The following SPTBN4 variants were observed in gnomAD, a reference collection of about 807,000 sequenced individuals.
The protein encoded by SPTBN4 is spectrin beta chain, non-erythrocytic 4.
A neutral mutation model predicts 277.8 loss-of-function variants in SPTBN4; 96 were observed. The observed-to-expected ratio is 0.35, with a 90% confidence interval of 0.29 to 0.41. The LOEUF (loss-of-function observed/expected upper bound fraction) is 0.41. Among genes scored for constraint, SPTBN4 ranks in the 10% least tolerant of loss-of-function variants. SPTBN4 has a pLI of 1.00. For synonymous variants in SPTBN4, 1,481 were observed against 1,580.3 expected, an observed-to-expected ratio of 0.94 and a Z score of 1.49; for missense variants, 3,006 against 3,595.7, an observed-to-expected ratio of 0.84 and a Z score of 4.19.
intron 20 of SPTBN4, among the ~76,000 whole-genome samples, chr19:40,545,683 G>T (rs1251375511): frequency 6.6e-6 from 1 of 151,776 alleles, no homozygotes; most frequent in Non-Finnish European, 1.5e-5. Flanking sequence ...CGAGGTGGGT[G>T]GATCACCTGT....
intron 7 of SPTBN4, among the ~76,000 whole-genome samples, chr19:40,501,166 A>G (rs544104072): frequency 6.6e-6 from 1 of 151,872 alleles, no homozygotes; most frequent in South Asian, 2.1e-4. Context: ...TGAACCTAGG[A>G]GCTCGAGGCT....
intron 15 of SPTBN4, among the ~76,000 whole-genome samples, chr19:40,518,115 G>T (rs1568800897): frequency 6.6e-6 from 1 of 152,276 alleles, no homozygotes; most frequent in East Asian, 1.9e-4. Flanking sequence ...AGACCAGCCT[G>T]GCCAATGTGA....
At position 40,575,559 on chromosome 19, in the gene SPTBN4, G is replaced by A. The variant is rs765129909; in HGVS notation, c.7685G>A (p.Arg2562His). The change falls in exon 36 of 36, where the codon CGC (arginine) becomes CAC (histidine). Residue 2562 changes from arginine (R) to histidine (H), a missense_variant. Arg to His is a conservative substitution (Grantham distance 29). Around this residue, in one of 5 missense-constraint regions of SPTBN4, gnomAD observed 630 missense variants for 677.6 expected, o/e 0.93. Transcript: ENST00000598249. ...GGCGGAGATCGCAGGGCCAGCGGGC[G>A]CAGGAAGTGACTTCCCACCCCCAGG... ...REGGDRRASG[R>H]RK 28 of 1,609,450 alleles carry A rather than the reference G, an allele frequency of 1.7e-5. No individual in the cohort carries two copies. Among genetic ancestry groups the A allele is most frequent in the Middle Eastern group, 1.7e-4 (1 of 5,952 alleles).
In SPTBN4 at chr19:40,487,713, G is replaced by C. The variant is rs1040103019; in HGVS notation, c.186G>C (p.Val62=). The change falls in exon 3 of 36, where the codon GTG becomes GTC. Residue 62 remains valine, a synonymous_variant. Transcript: ENST00000598249. ...IKALADEREA[V]QKKTFTKWVN... Reference sequence around the variant, plus strand: ...CTCCTCCAGATGAGCGGGAAGCCGTGCAGAAGAAAACCTTCACCAAGTGGG... The same window carrying C: ...CTCCTCCAGATGAGCGGGAAGCCGTCCAGAAGAAAACCTTCACCAAGTGGG... The C allele has an allele frequency of 2.5e-6, 4 of 1,612,984 alleles. No homozygotes were observed. Among genetic ancestry groups the C allele is most frequent in the Admixed American group, 1.7e-5 (1 of 59,908 alleles).
chr19:40,567,985 C>G lies in SPTBN4; in HGVS notation c.6659C>G (p.Thr2220Ser). 6.7e-7 allele frequency: 1 copy of G among 1,499,664 alleles called. No individual in the cohort carries two copies. The highest frequency in any genetic ancestry group is 8.8e-7 in the Non-Finnish European group (1 of 1,130,302). 92.9% of individuals were successfully genotyped at this position (1,499,664 alleles called of 1,614,324 possible). ...GAGGACGCGGCGGAGACCCCCGCGA[C>G]CCCCGCGGCGGCGGAGCAGGTGCGG... ...APEDAAETPA[T>S]PAAAEQVRPR... is the part of the protein sequence containing the mutation. Residue 2220 changes from threonine to serine, a missense_variant, in exon 31 of 36, where the codon ACC (threonine) becomes AGC (serine). Transcript: ENST00000598249.
At chr19:40,575,262 A>C (rs894256592) in intron 35 of SPTBN4, 149 bp from the exon 36 acceptor site, 3 of 945,760 alleles carry the variant, frequency 3.2e-6, no homozygotes, top group African/African-American at 3.3e-5. Flanking sequence ...AGCCTGGCAC[A>C]TATTGCTATG....
rs2080439787 is a variant in SPTBN4, at chr19:40,515,192, C to T, written c.2766-119C>T. On this transcript the variant is annotated intron_variant, in intron 14 of 35. Transcript: ENST00000598249. This position sits in a 1 kb window ranked among gnomAD's most constrained non-coding sequence, Gnocchi z 4.1. ...AAGCAGCAAGTAGAAGAGAAGGAGC[C>T]CACAAAGGAGGCTGAAAAGAAGGGT... 1 of 1,052,414 alleles carries T rather than the reference C, an allele frequency of 9.5e-7. No homozygotes were observed. Among genetic ancestry groups the T allele is most frequent in the Non-Finnish European group, 1.3e-6 (1 of 767,362 alleles). 65.2% of individuals were successfully genotyped at this position (1,052,414 alleles called of 1,614,324 possible).
chr19:40,569,993 C>G (rs563134286), intron 32 of SPTBN4, among the ~76,000 whole-genome samples: 5 of 150,548 alleles, frequency 3.3e-5, no homozygotes, highest in African/African-American at 1.2e-4. Flanking sequence ...CACACAGACA[C>G]ACACACACAG....
intron 29 of SPTBN4, 121 bp downstream of exon 29, chr19:40,565,866 AAAC>A (rs752788501): frequency 8.9e-6 from 10 of 1,119,154 alleles, no homozygotes; most frequent in Non-Finnish European, 1.1e-5. Flanking sequence ...CTCCAGAAGC[AAAC>A]ATAAGGGCCT....
intron 27 of SPTBN4, among the ~76,000 whole-genome samples, chr19:40,564,375 A>AT (rs1428264331): frequency 1.3e-5 from 2 of 152,210 alleles, no homozygotes; most frequent in East Asian, 3.9e-4. Flanking sequence ...TCTTTTTTAC[A>AT]TTAACTCCAC....
chr19:40,537,860 G>C (rs2080756081), intron 20 of SPTBN4, among the ~76,000 whole-genome samples: 1 of 152,158 alleles, frequency 6.6e-6, no homozygotes. Context: ...GCAAGAAAGG[G>C]GCATCTGACT....
At chr19:40,530,496 AGCCTTC>A (rs1328721856) in intron 18 of SPTBN4, 2 of 978,704 alleles carry the variant, frequency 2.0e-6, no homozygotes, top group Non-Finnish European at 2.4e-6. Flanking sequence ...CCGGAGCCTC[AGCCTTC>A]GCCGCCGCTG....
chr19:40,472,858 G>A, intron 2 of SPTBN4, 68 bp downstream of exon 2: 1 of 1,441,864 alleles, frequency 6.9e-7, no homozygotes, highest in Non-Finnish European at 9.3e-7. Flanking sequence ...GAGAACCTTG[G>A]TGGCTGGGAG....
chr19:40,572,403 C>T (rs192364478), intron 35 of SPTBN4, 23 bp downstream of exon 35: 1 of 1,614,008 alleles, frequency 6.2e-7, no homozygotes, highest in Non-Finnish European at 8.5e-7. Flanking sequence ...CCTTTCCTCC[C>T]TCTGTGTGGA....
At chr19:40,492,759 C>T (rs773234289) in intron 4 of SPTBN4, among the ~76,000 whole-genome samples, 35 of 152,122 alleles carry the variant, frequency 2.3e-4, no homozygotes, top group East Asian at 9.7e-4. Context: ...AAACAGAGAC[C>T]GAAGTCCTAA....
intron 18 of SPTBN4, chr19:40,530,392 G>A: frequency 1.7e-6 from 1 of 593,568 alleles, no homozygotes; most frequent in Non-Finnish European, 2.1e-6. Context: ...CCCACCTGGG[G>A]CCCCGCAAAG....
chr19:40,502,789 G>T lies in SPTBN4; in HGVS notation c.1218G>T (p.Leu406=). 6.2e-7 allele frequency: 1 copy of T among 1,613,900 alleles called. No homozygotes were observed. The highest frequency in any genetic ancestry group is 2.2e-5 in the East Asian group (1 of 44,882). The change falls in exon 11 of 36, where the codon CTG becomes CTT. Residue 406 remains leucine, a synonymous_variant. Coordinates refer to ENST00000598249, the MANE Select transcript of SPTBN4 (RefSeq NM_020971.3). The surrounding 1 kb of genome is among the most constrained non-coding windows in gnomAD (Gnocchi z 4.9). ...IWDIDKAWGE[L]EKAEHEREAA... is the part of the protein sequence containing the mutation. ...ATCTCCTGCAGGCATGGGGTGAGCT[G>T]GAGAAGGCTGAGCATGAGCGGGAGG...
chr19:40,556,186 G>C lies in SPTBN4; in HGVS notation c.5187G>C (p.Leu1729=). Residue 1729 remains leucine, a synonymous_variant, in exon 25 of 36, where the codon CTG becomes CTC. Coordinates refer to ENST00000598249, the MANE Select transcript of SPTBN4 (RefSeq NM_020971.3). The part of the protein sequence containing the change: ...RRVALEQQYW[L]YQLSRQVSEL... ...TGGCTCTGGAACAGCAGTACTGGCTGTACCAGCTCAGCCGCCAGGTGAGCG... is the reference window on the plus strand; with the variant it reads ...TGGCTCTGGAACAGCAGTACTGGCTCTACCAGCTCAGCCGCCAGGTGAGCG... The C allele has an allele frequency of 6.2e-7, 1 of 1,613,600 alleles. No individual in the cohort carries two copies. Among genetic ancestry groups the C allele is most frequent in the Non-Finnish European group, 8.5e-7 (1 of 1,179,980 alleles).
Position 40,513,056 on chromosome 19 carries a change from A to T in SPTBN4, c.2267A>T (p.Gln756Leu), listed in dbSNP as rs2080411356. 1 of 1,404,052 alleles carries T rather than the reference A, an allele frequency of 7.1e-7. No individual in the cohort carries two copies. The highest frequency in any genetic ancestry group is 1.5e-5 in the African/African-American group (1 of 65,286). 87.0% of individuals were successfully genotyped at this position (1,404,052 alleles called of 1,614,324 possible). Residue 756 changes from glutamine (Q) to leucine (L), a missense_variant, in exon 14 of 36, where the codon CAG (glutamine) becomes CTG (leucine). Physicochemically the swap from Gln to Leu is moderately radical, Grantham distance 113. This residue lies in a region of SPTBN4 where 1,759 missense variants were observed against 2,061.5 expected (regional missense o/e 0.85). Transcript: ENST00000598249. ...GCGGCGAGCGCCCGGCGCCGCTGGC[A>T]GAGGCTGGAAGAGGCGGCGGCGCGG... The part of the protein sequence containing the change: ...ERAASARRRW[Q>L]RLEEAAARRE...
Sources: allele counts gnomAD v4.1 joint callset (sites outside exome capture counted in the v4.1 genomes callset), GRCh38; gene constraint gnomAD v4.1.1; regional missense constraint gnomAD v4.1.1; non-coding constraint Gnocchi (gnomAD v3.1); transcripts MANE v1.5; gene names NCBI Gene and HGNC (gene_info 2026-07-23, HGNC 2026-07-21).